ASPA: variants seen among roughly 807,000 people sequenced by gnomAD.
ASPA encodes ACY-2.
In ASPA, 25 loss-of-function variants were observed where a neutral mutation model predicts 29.6. The ratio of observed to expected loss-of-function variants is 0.85; its 90% confidence interval spans 0.62 to 1.18. The LOEUF is 1.18. Ranked by LOEUF, ASPA falls within the 50% of genes most tolerant of loss-of-function variation. ASPA has a pLI of 0.00. For missense variants in ASPA, 333 were observed against 385.7 expected, an observed-to-expected ratio of 0.86 and a Z score of 1.14; for synonymous variants, 131 against 130.3, an observed-to-expected ratio of 1.01 and a Z score of -0.04.
At chr17:3,494,015 T>C (rs1042673352) in intron 4 of ASPA, among the ~76,000 whole-genome samples, 4 of 146,106 alleles carry the variant, frequency 2.7e-5, no homozygotes, top group Admixed American at 7.3e-5. Flanking sequence ...CTTCCTTACA[T>C]TGTTAACTTC....
Position 3,481,736 on chromosome 17 carries a change from T to C in ASPA, c.370T>C (p.Cys124Arg), listed in dbSNP as rs2073633873. The change falls in exon 2 of 6, where the codon TGC (cysteine) becomes CGC (arginine). Residue 124 changes from cysteine (C) to arginine (R), a missense_variant. Transcript: ENST00000263080. ...TCACAACACCACCTCTAACATGGGG[T>C]GCACTCTTATTCTTGAGGATTCCAG... ...DLHNTTSNMG[C>R]TLILEDSRNN... The C allele has an allele frequency of 3.1e-6, 5 of 1,613,552 alleles. No homozygotes were observed. The highest frequency in any genetic ancestry group is 4.2e-6 in the Non-Finnish European group (5 of 1,179,804).
intron 3 of ASPA, among the ~76,000 whole-genome samples, chr17:3,484,297 G>A (rs569065130): frequency 2.0e-5 from 3 of 152,254 alleles, no homozygotes; most frequent in South Asian, 2.1e-4. Flanking sequence ...TGCTAGGTGC[G>A]GGGGACAGAA....
Position 3,500,068 on chromosome 17 carries a change from C to CA in ASPA, c.*981dup, listed in dbSNP as rs60554358. 0.96 allele frequency: 145,864 copies of CA among 152,304 alleles called. 70,153 individuals are homozygous for CA. The highest frequency in any genetic ancestry group is 1 in the East Asian group (5,186 of 5,186). 9.4% of individuals were successfully genotyped at this position (152,304 alleles called of 1,614,324 possible). A position where few individuals can be genotyped will look rare whatever the true frequency, so the allele number is the denominator to read the frequency against. ...TCTGGATAGAAGATCAAACCAGCCA[C>CA]ACATTAAGCCAAAGCATGACCCACA... On this transcript the variant is annotated 3_prime_UTR_variant, in exon 6 of 6. Coordinates refer to ENST00000263080, the MANE Select transcript of ASPA (RefSeq NM_000049.4).
rs1275076650 is a variant in ASPA, at chr17:3,490,798, A to T, written c.634+1456A>T. Among the ~76,000 whole-genome samples, 1 of 152,226 alleles carries T rather than the reference A, an allele frequency of 6.6e-6. No homozygotes were observed. The highest frequency in any genetic ancestry group is 6.5e-5 in the Admixed American group (1 of 15,270). ...TGGGTGGAAAACGTGGTTGGTTTTC[A>T]GATCATAGTCCATAGAATCCTATCA... On this transcript the variant is annotated intron_variant, in intron 4 of 5. Coordinates refer to ENST00000263080, the MANE Select transcript of ASPA (RefSeq NM_000049.4). The surrounding 1 kb of genome is among the most constrained non-coding windows in gnomAD (Gnocchi z 4.6).
intron 4 of ASPA, among the ~76,000 whole-genome samples, chr17:3,492,455 G>C (rs1010852180): frequency 1.2e-4 from 19 of 152,200 alleles, no homozygotes; most frequent in African/African-American, 4.3e-4. Context: ...AGGTGTGGTA[G>C]ATTTTAATTC....
chr17:3,485,505 C>T lies in ASPA; in HGVS notation c.526+1913C>T, dbSNP rs963977491. Among the ~76,000 whole-genome samples, 3 of 152,282 alleles carry T rather than the reference C, an allele frequency of 2.0e-5. No homozygotes were observed. Among genetic ancestry groups the T allele is most frequent in the African/African-American group, 7.2e-5 (3 of 41,560 alleles). On this transcript the variant is annotated intron_variant, in intron 3 of 5. Coordinates refer to ENST00000263080, the MANE Select transcript of ASPA (RefSeq NM_000049.4). The surrounding 1 kb of genome is among the most constrained non-coding windows in gnomAD (Gnocchi z 4.4). ...TCCAGCCGGGGCAACAAAAGTGAAA[C>T]TCCGTCTCAAAAAAACAAACAAACA...
rs145731380 is a variant in ASPA, at chr17:3,485,934, C to CTTT, written c.526+2355_526+2357dup. 5.7e-3 allele frequency among the ~76,000 whole-genome samples: 816 copies of CTTT among 142,374 alleles called. 11 individuals are homozygous for CTTT. Among genetic ancestry groups the CTTT allele is most frequent in the African/African-American group, 0.017 (648 of 38,396 alleles). 93.4% of individuals were successfully genotyped at this position (142,374 alleles called of 152,430 possible). On this transcript the variant is annotated intron_variant, in intron 3 of 5. Transcript: ENST00000263080. The surrounding 1 kb of genome is among the most constrained non-coding windows in gnomAD (Gnocchi z 4.4). ...CAGTGGTTGCATTCTAGGAGGGAAC[C>CTTT]TTTTTTTTTTTTTTTGAGACGGAGT...
rs1327654453 is a variant in ASPA at position 3,499,232 on chromosome 17, CT to C, written c.*146del. On this transcript the variant is annotated 3_prime_UTR_variant, in exon 6 of 6. Transcript: ENST00000263080. ...ATTCGGTAGGCATCTAAGCACATTT[CT>C]TAAATTAATTAATATATCTTTAAAG... The C allele has an allele frequency of 3.0e-6, 2 of 660,454 alleles. No individual in the cohort carries two copies. Among genetic ancestry groups the C allele is most frequent in the Non-Finnish European group, 4.9e-6 (2 of 407,318 alleles). 40.9% of individuals were successfully genotyped at this position (660,454 alleles called of 1,614,324 possible).
At chr17:3,481,941 G>C in intron 2 of ASPA, 143 bp downstream of exon 2, 1 of 767,170 alleles carries the variant, frequency 1.3e-6, no homozygotes, top group Non-Finnish European at 2.1e-6. Flanking sequence ...TGGTGGTTGG[G>C]GGGAAAGGGT....
rs896639196 is a variant in ASPA at position 3,503,281 on chromosome 17, G to A, written c.*4193G>A. 1.1e-4 allele frequency: 17 copies of A among 152,086 alleles called. No individual in the cohort carries two copies. Among genetic ancestry groups the A allele is most frequent in the African/African-American group, 4.1e-4 (17 of 41,404 alleles). 9.4% of individuals were successfully genotyped at this position (152,086 alleles called of 1,614,324 possible). A position where few individuals can be genotyped will look rare whatever the true frequency, so the allele number is the denominator to read the frequency against. On this transcript the variant is annotated 3_prime_UTR_variant, in exon 6 of 6. Transcript: ENST00000263080. ...ATTCTTCCAAAGTGAACCCCACTAT[G>A]CCAGTTTTACTCCATACTCAGTGTT...
chr17:3,492,496 G>GT (rs1462069851), intron 4 of ASPA, among the ~76,000 whole-genome samples: 5 of 152,196 alleles, frequency 3.3e-5, no homozygotes, highest in Admixed American at 6.5e-5. Flanking sequence ...TCCTGGCAGT[G>GT]TGATGTTTCA....
intron 5 of ASPA, among the ~76,000 whole-genome samples, chr17:3,496,609 G>A (rs1052460012): frequency 6.6e-5 from 10 of 152,274 alleles, no homozygotes; most frequent in Admixed American, 2.0e-4. Flanking sequence ...TTCAGGACCC[G>A]GTTATGAGTC....
chr17:3,500,962 T>A lies in ASPA; in HGVS notation c.*1874T>A, dbSNP rs1032243090. On this transcript the variant is annotated 3_prime_UTR_variant, in exon 6 of 6. Transcript: ENST00000263080. Reference sequence around the variant, plus strand: ...ACCTACTGCTTGGGAAAAAAAAAAATTCCTTTCAAAATACTACTGCTGATT... The same window carrying A: ...ACCTACTGCTTGGGAAAAAAAAAAAATCCTTTCAAAATACTACTGCTGATT... 2.6e-5 allele frequency: 4 copies of A among 151,732 alleles called. No individual in the cohort carries two copies. Among genetic ancestry groups the A allele is most frequent in the African/African-American group, 7.3e-5 (3 of 41,294 alleles). 9.4% of individuals were successfully genotyped at this position (151,732 alleles called of 1,614,324 possible). A position where few individuals can be genotyped will look rare whatever the true frequency, so the allele number is the denominator to read the frequency against.
chr17:3,477,145 AC>A (rs1249417819), intron 1 of ASPA, among the ~76,000 whole-genome samples: 2 of 151,858 alleles, frequency 1.3e-5, no homozygotes, highest in African/African-American at 4.8e-5. Context: ...ACAGAGCAAG[AC>A]TCCGTCTCAA....
In ASPA at chr17:3,489,330, C is replaced by G; in HGVS notation, c.622C>G (p.His208Asp). The stretch of plus-strand genomic sequence containing the variant: ...TAAACATGCTCTTGATTTTATACAT[C>G]ATTTCAATGAAGGTAAGTAATAATG... ...MIKHALDFIHHFNEGKEFPPC... is the reference protein window; with the variant it reads ...MIKHALDFIHDFNEGKEFPPC... The change falls in exon 4 of 6, where the codon CAT becomes GAT. Residue 208 changes from histidine to aspartate, a missense_variant. Physicochemically the swap from His to Asp is moderately conservative, Grantham distance 81. Coordinates refer to ENST00000263080, the MANE Select transcript of ASPA (RefSeq NM_000049.4). 3 of 1,603,272 alleles carry G rather than the reference C, an allele frequency of 1.9e-6. No homozygotes were observed. The highest frequency in any genetic ancestry group is 2.6e-6 in the Non-Finnish European group (3 of 1,170,474).
intron 1 of ASPA, among the ~76,000 whole-genome samples, 197 bp from the exon 2 acceptor site, chr17:3,481,406 A>G (rs2073624799): frequency 6.6e-6 from 1 of 152,254 alleles, no homozygotes; most frequent in Non-Finnish European, 1.5e-5. Context: ...CCAATGCAAC[A>G]TTAGTTATAT....
At chr17:3,491,044 G>C (rs372876924) in intron 4 of ASPA, among the ~76,000 whole-genome samples, 1 of 152,178 alleles carries the variant, frequency 6.6e-6, no homozygotes, top group East Asian at 1.9e-4. Flanking sequence ...CATGTGAAAA[G>C]TCTGAAGAAG....
Position 3,483,518 on chromosome 17 carries a change from C to T in ASPA, c.452C>T (p.Pro151Leu). The T allele has an allele frequency of 6.2e-7, 1 of 1,614,032 alleles. No individual in the cohort carries two copies. Among genetic ancestry groups the T allele is most frequent in the Non-Finnish European group, 8.5e-7 (1 of 1,179,986 alleles). The change falls in exon 3 of 6, where the codon CCC (proline) becomes CTC (leucine). Residue 151 changes from proline (P) to leucine (L), a missense_variant. Transcript: ENST00000263080. ...HYIKTSLAPL[P>L]CYVYLIEHPS... ...TTTCAGACTTCTCTGGCTCCACTAC[C>T]CTGCTACGTTTATCTGATTGAGCAT...
At chr17:3,474,227 A>G (rs916809608), upstream of ASPA, 2 of 152,228 alleles carry the variant, frequency 1.3e-5, no homozygotes, top group Non-Finnish European at 2.9e-5. Flanking sequence ...AAAGTTATTC[A>G]TTTTGACATG....
Sources: allele counts gnomAD v4.1 joint callset (sites outside exome capture counted in the v4.1 genomes callset), GRCh38; gene constraint gnomAD v4.1.1; non-coding constraint Gnocchi (gnomAD v3.1); transcripts MANE v1.5; gene names NCBI Gene and HGNC (gene_info 2026-07-23, HGNC 2026-07-21).